Variants in GTF3C1 observed in about 807,000 individuals in gnomAD.
The protein encoded by GTF3C1 is general transcription factor 3C polypeptide 1.
GTF3C1 carries 57 observed loss-of-function variants against 226.7 expected under a neutral mutation model. The ratio of observed to expected loss-of-function variants is 0.25; its 90% CI spans 0.20 to 0.31. GTF3C1 has a LOEUF of 0.31. Among genes scored for constraint, GTF3C1 ranks in the 10% least tolerant of loss-of-function variants. GTF3C1 has a pLI of 1.00. For missense variants in GTF3C1, 2,217 were observed against 2,776.1 expected, an observed-to-expected ratio of 0.80 and a Z score of 4.53; for synonymous variants, 1,090 against 1,084.8, an observed-to-expected ratio of 1.00 and a Z score of -0.09.
intron 24 of GTF3C1, 29 bp downstream of exon 24, chr16:27,485,968 G>A: frequency 6.5e-7 from 1 of 1,527,710 alleles, no homozygotes; most frequent in Non-Finnish European, 8.9e-7. Context: ...TGAGGGGCAG[G>A]CCCACCGCTG....
chr16:27,540,448 C>T (rs1386971463), intron 2 of GTF3C1, among the ~76,000 whole-genome samples: 1 of 152,194 alleles, frequency 6.6e-6, no homozygotes, highest in Non-Finnish European at 1.5e-5. Context: ...GCTTTTAAAA[C>T]GTCATTACTC....
At chr16:27,488,740 G>A in intron 21 of GTF3C1, 105 bp from the exon 22 acceptor site, 2 of 939,124 alleles carry the variant, frequency 2.1e-6, no homozygotes, top group Non-Finnish European at 3.3e-6. Flanking sequence ...AAGGGCCGCT[G>A]TGCACTGACA....
chr16:27,473,703 C>G (rs998206490), intron 29 of GTF3C1, among the ~76,000 whole-genome samples: 2 of 152,206 alleles, frequency 1.3e-5, no homozygotes, highest in Non-Finnish European at 2.9e-5. Flanking sequence ...TGGGGCAGCA[C>G]CCAGGTGTTC....
intron 6 of GTF3C1, among the ~76,000 whole-genome samples, chr16:27,523,527 AGGCAAAAAAACCCTGAAAAC>A (rs985394936): frequency 6.6e-6 from 1 of 152,138 alleles, no homozygotes; most frequent in African/African-American, 2.4e-5. Flanking sequence ...ACAAAGCTCA[AGGCAAAAAAACCCTGAAAAC>A]TGCCTTCATC....
At chr16:27,516,056 A>C (rs2088653443) in intron 6 of GTF3C1, among the ~76,000 whole-genome samples, 2 of 152,170 alleles carry the variant, frequency 1.3e-5, no homozygotes, top group Admixed American at 1.3e-4. Flanking sequence ...CCAGTAGGGG[A>C]GTTATTCTGA....
At chr16:27,488,206 T>C in intron 23 of GTF3C1, 21 bp downstream of exon 23, 1 of 1,600,834 alleles carries the variant, frequency 6.2e-7, no homozygotes, top group South Asian at 1.1e-5. Context: ...GCCCAGTAAA[T>C]GAAAATGATC....
Position 27,476,522 on chromosome 16 carries a change from C to T in GTF3C1, c.4282G>A (p.Val1428Met), listed in dbSNP as rs1478893691. 2 of 1,611,036 alleles carry T rather than the reference C, an allele frequency of 1.2e-6. No individual in the cohort carries two copies. Among genetic ancestry groups the T allele is most frequent in the Non-Finnish European group, 8.5e-7 (1 of 1,177,460 alleles). The change falls in exon 29 of 37, where the codon GTG becomes ATG. Residue 1428 changes from valine to methionine, a missense_variant. Coordinates refer to ENST00000356183, the MANE Select transcript of GTF3C1 (RefSeq NM_001520.4). ...GTGCTCTGGATCAGGTTCTGAAGCA[C>T]CAGAAAGTGGATGTCATCCACGCTG... ...LNSVDDIHFL[V>M]LQNLIQSTLA...
intron 5 of GTF3C1, among the ~76,000 whole-genome samples, chr16:27,529,440 CAAA>C (rs34170986): frequency 1.8e-5 from 2 of 110,964 alleles, no homozygotes. Flanking sequence ...GACTCTGTTT[CAAA>C]AAAAAAAAAA....
intron 28 of GTF3C1, among the ~76,000 whole-genome samples, chr16:27,477,506 T>C (rs2087969112): frequency 1.3e-5 from 2 of 152,188 alleles, no homozygotes; most frequent in African/African-American, 4.8e-5. Flanking sequence ...GGTTTCACCA[T>C]GTTGGCCAGG....
chr16:27,473,093 GA>G (rs1226712202), intron 29 of GTF3C1, among the ~76,000 whole-genome samples: 1 of 152,102 alleles, frequency 6.6e-6, no homozygotes, highest in Non-Finnish European at 1.5e-5. Flanking sequence ...ATTTTTTGTA[GA>G]GATGGGTTTT....
Position 27,469,256 on chromosome 16 carries a change from C to G in GTF3C1, c.5074+35G>C. 2 of 1,528,960 alleles carry G rather than the reference C, an allele frequency of 1.3e-6. No homozygotes were observed. Among genetic ancestry groups the G allele is most frequent in the Non-Finnish European group, 1.8e-6 (2 of 1,132,652 alleles). The allele number at this position is 1,528,960 out of a possible 1,614,324, so 94.7% of individuals were successfully genotyped here. ...AGGGTCTTCCTGGATGATGGCGAGG[C>G]CAGGCCCTCCCACAGCACCAGCAGG... On this transcript the variant is annotated intron_variant, in intron 32 of 36. Coordinates refer to ENST00000356183, the MANE Select transcript of GTF3C1 (RefSeq NM_001520.4). The surrounding 1 kb of genome is among the most constrained non-coding windows in gnomAD (Gnocchi z 4.5).
chr16:27,493,945 G>A (rs2088271480), intron 16 of GTF3C1, among the ~76,000 whole-genome samples: 1 of 150,884 alleles, frequency 6.6e-6, no homozygotes, highest in South Asian at 2.1e-4. Context: ...TTTTTTTAAA[G>A]GGAGATCACA....
intron 11 of GTF3C1, among the ~76,000 whole-genome samples, chr16:27,502,621 T>C (rs910006719): frequency 6.6e-6 from 1 of 152,164 alleles, no homozygotes; most frequent in Non-Finnish European, 1.5e-5. Flanking sequence ...TCTCTCTGTC[T>C]AGCATGCTGA....
chr16:27,461,908 A>G lies in GTF3C1; in HGVS notation c.6118-346T>C. 3 of 381,756 alleles carry G rather than the reference A, an allele frequency of 7.9e-6. 1 individual carries two copies. In the South Asian group the frequency reaches 1.4e-4, roughly 18 times the overall value. The allele number at this position is 381,756 out of a possible 1,614,324, so 23.6% of individuals were successfully genotyped here. A position where few individuals can be genotyped will look rare whatever the true frequency, so the allele number is the denominator to read the frequency against. On this transcript the variant is annotated intron_variant, in intron 36 of 36. Coordinates refer to ENST00000356183, the MANE Select transcript of GTF3C1 (RefSeq NM_001520.4). The surrounding 1 kb of genome is among the most constrained non-coding windows in gnomAD (Gnocchi z 5.3). ...TTGTTTGGCTCATGGGGAATTTGAC[A>G]CTCAACTTCAAGCTCCTAGCTGCCA... is the stretch of plus-strand genomic sequence containing the variant.
At chr16:27,525,699 C>G (rs117756947) in intron 6 of GTF3C1, among the ~76,000 whole-genome samples, 1 of 152,338 alleles carries the variant, frequency 6.6e-6, no homozygotes, top group East Asian at 1.9e-4. Context: ...TGCTGTGGGT[C>G]TGTCCTCATT....
At chr16:27,495,144 T>C in intron 15 of GTF3C1, 67 bp downstream of exon 15, 3 of 1,195,840 alleles carry the variant, frequency 2.5e-6, no homozygotes, top group Non-Finnish European at 3.6e-6. Context: ...GGAACTATCA[T>C]GTTTCTCCCT....
chr16:27,509,781 A>G (rs983104061), intron 7 of GTF3C1, among the ~76,000 whole-genome samples: 1 of 150,294 alleles, frequency 6.7e-6, no homozygotes, highest in African/African-American at 2.5e-5. Context: ...AAAAAAAAAG[A>G]AGTATCTTCC....
At chr16:27,545,211 A>G in intron 2 of GTF3C1, 103 bp downstream of exon 2, 1 of 825,990 alleles carries the variant, frequency 1.2e-6, no homozygotes, top group Non-Finnish European at 2.1e-6. Flanking sequence ...TCCTGGCCTC[A>G]AGTGATCCAC....
At chr16:27,468,971 G>A (rs1354293614) in intron 32 of GTF3C1, among the ~76,000 whole-genome samples, 1 of 152,210 alleles carries the variant, frequency 6.6e-6, no homozygotes, top group Non-Finnish European at 1.5e-5. Context: ...GGCCGCCCGT[G>A]GAGAGTGGGC....
Sources: gnomAD v4.1 joint callset for allele counts (sites outside exome capture counted in the v4.1 genomes callset) on GRCh38, gnomAD v4.1.1 for gene constraint, Gnocchi (gnomAD v3.1) non-coding constraint, MANE v1.5 for transcripts, NCBI Gene and HGNC (gene_info 2026-07-23, HGNC 2026-07-21) for gene names.